The following CSMD2 variants were observed in gnomAD, a reference collection of about 807,000 sequenced individuals.
CSMD2 encodes CUB and sushi domain-containing protein 2.
A neutral mutation model predicts 398.5 loss-of-function variants in CSMD2; 130 were observed. The observed-to-expected ratio is 0.33, with a 90% CI of 0.28 to 0.38. CSMD2 has a LOEUF of 0.38. CSMD2 is among the 10% of genes least tolerant of loss of function. CSMD2 has a pLI of 1.00. For synonymous variants in CSMD2, 1,828 were observed against 1,908.5 expected (o/e 0.96, Z 1.10); for missense variants, 3,829 against 4,764.9 (o/e 0.80, Z 5.78).
At chr1:33,950,871 G>A (rs546536998) in intron 3 of CSMD2, among the ~76,000 whole-genome samples, 30 of 152,324 alleles carry the variant, frequency 2.0e-4, no homozygotes, top group African/African-American at 3.1e-4. Flanking sequence ...ATTGGGATGC[G>A]TCTGTCTTCA....
In CSMD2 at chr1:33,636,897, T is replaced by C. The variant is rs1398476698; in HGVS notation, c.4775-343A>G. 6.6e-6 allele frequency among the ~76,000 whole-genome samples: 1 copy of C among 152,136 alleles called. No homozygotes were observed. The highest frequency in any genetic ancestry group is 6.5e-5 in the Admixed American group (1 of 15,284). The stretch of plus-strand genomic sequence containing the variant: ...ATGTGTTTCTCTGGCTGGTGGGGGC[T>C]GACAGTCCCTGGACCACATCTCAGC... On this transcript the variant is annotated intron_variant, in intron 29 of 70. Coordinates refer to ENST00000373381, the MANE Select transcript of CSMD2 (RefSeq NM_001281956.2). The surrounding 1 kb of genome is among the most constrained non-coding windows in gnomAD (Gnocchi z 4.8).
At chr1:34,165,403 C>A, upstream of CSMD2, 1 of 903,338 alleles carries the variant, frequency 1.1e-6, no homozygotes, top group Non-Finnish European at 1.5e-6. Flanking sequence ...GGAGGCGCAG[C>A]TAAGGATAAA....
At chr1:33,632,586 TTTTG>T (rs1642528228) in intron 32 of CSMD2, among the ~76,000 whole-genome samples, 1 of 152,154 alleles carries the variant, frequency 6.6e-6, no homozygotes, top group South Asian at 2.1e-4. Context: ...CTGATGACGC[TTTTG>T]TTTTTTTAAT....
chr1:33,671,433 C>G (rs1040498900), intron 25 of CSMD2, among the ~76,000 whole-genome samples: 2 of 152,050 alleles, frequency 1.3e-5, no homozygotes, highest in African/African-American at 4.8e-5. Context: ...GTGGGGCTGC[C>G]CTGAAATTCT....
chr1:34,160,133 C>T (rs570019445), intron 1 of CSMD2, among the ~76,000 whole-genome samples: 1 of 152,268 alleles, frequency 6.6e-6, no homozygotes, highest in East Asian at 1.9e-4. Flanking sequence ...GCCTGCTGGG[C>T]TCTGCCGGAG....
At chr1:33,795,805 G>A (rs12044291) in intron 10 of CSMD2, among the ~76,000 whole-genome samples, 20,356 of 152,268 alleles carry the variant, frequency 0.13, 1,976 homozygotes, top group African/African-American at 0.26. Context: ...TCCTGTCGGT[G>A]GGCCAGGCCC....
At position 33,663,362 on chromosome 1, in the gene CSMD2, T is replaced by C. The variant is rs139156228; in HGVS notation, c.4053-270A>G. Among the ~76,000 whole-genome samples the C allele has an allele frequency of 2.6e-3, 389 of 152,212 alleles. 1 individual carries two copies. Among genetic ancestry groups the C allele is most frequent in the African/African-American group, 9.1e-3 (377 of 41,500 alleles). On this transcript the variant is annotated intron_variant, in intron 25 of 70. Coordinates refer to ENST00000373381, the MANE Select transcript of CSMD2 (RefSeq NM_001281956.2). ...TCTTATTATGAGCTCCATGTTGCCATTGTCAGACTGCATCCCTCTCCTCAA... is the reference window on the plus strand; with the variant it reads ...TCTTATTATGAGCTCCATGTTGCCACTGTCAGACTGCATCCCTCTCCTCAA...
intron 42 of CSMD2, among the ~76,000 whole-genome samples, chr1:33,603,892 G>C (rs1640401582): frequency 6.6e-6 from 1 of 152,208 alleles, no homozygotes; most frequent in African/African-American, 2.4e-5. Context: ...AGACCCAGAG[G>C]CAAGAAAACA....
At chr1:33,772,435 A>G in intron 13 of CSMD2, 134 bp downstream of exon 13, 1 of 727,208 alleles carries the variant, frequency 1.4e-6, no homozygotes, top group Non-Finnish European at 2.3e-6. Flanking sequence ...TCCGAGGAGT[A>G]GAATAAACCA....
chr1:34,052,233 TCAAC>T (rs1231941011), intron 2 of CSMD2, among the ~76,000 whole-genome samples: 1 of 150,308 alleles, frequency 6.7e-6, no homozygotes, highest in African/African-American at 2.5e-5. Context: ...ATCTGCAGAG[TCAAC>T]CAACCATGCA....
intron 25 of CSMD2, among the ~76,000 whole-genome samples, chr1:33,664,122 G>C (rs1386121872): frequency 3.3e-5 from 5 of 152,004 alleles, no homozygotes; most frequent in Non-Finnish European, 7.4e-5. Context: ...ACATACTCAA[G>C]GCAGAGAAAA....
chr1:34,112,645 A>G (rs1474190170), intron 1 of CSMD2, among the ~76,000 whole-genome samples: 1 of 152,170 alleles, frequency 6.6e-6, no homozygotes, highest in Non-Finnish European at 1.5e-5. Context: ...GAAAAATCAA[A>G]AGTATATGTT....
intron 3 of CSMD2, among the ~76,000 whole-genome samples, chr1:34,017,694 A>C (rs1648316584): frequency 6.6e-6 from 1 of 152,200 alleles, no homozygotes; most frequent in South Asian, 2.1e-4. Flanking sequence ...GGCTACAGTG[A>C]GCCATGATCA....
In CSMD2 at chr1:33,905,730, G is replaced by A. The variant is rs1286698246; in HGVS notation, c.920+12364C>T. Among the ~76,000 whole-genome samples, 3 of 152,202 alleles carry A rather than the reference G, an allele frequency of 2.0e-5. No homozygotes were observed. In the East Asian group the frequency reaches 5.8e-4, roughly 29 times the overall value. ...CAATTGTGGAATGCAAGGAAAAGGAGATACATATAGTAGGGAAATTTTGGA... is the reference window on the plus strand; with the variant it reads ...CAATTGTGGAATGCAAGGAAAAGGAAATACATATAGTAGGGAAATTTTGGA... On this transcript the variant is annotated intron_variant, in intron 5 of 70. Coordinates refer to ENST00000373381, the MANE Select transcript of CSMD2 (RefSeq NM_001281956.2).
intron 41 of CSMD2, among the ~76,000 whole-genome samples, chr1:33,607,012 G>A (rs1640661130): frequency 6.6e-6 from 1 of 152,216 alleles, no homozygotes; most frequent in Admixed American, 6.5e-5. Context: ...GACACACCTG[G>A]TGACAGTGGG....
intron 44 of CSMD2, among the ~76,000 whole-genome samples, chr1:33,587,446 C>G (rs889313009): frequency 6.6e-6 from 1 of 152,146 alleles, no homozygotes; most frequent in Non-Finnish European, 1.5e-5. Context: ...CTGAGTGCCT[C>G]GTGGATATTA....
chr1:34,098,423 A>T (rs1027936214), intron 1 of CSMD2, among the ~76,000 whole-genome samples: 1 of 149,984 alleles, frequency 6.7e-6, no homozygotes, highest in Non-Finnish European at 1.5e-5. Flanking sequence ...TAATAAAAAA[A>T]TAAATAAATA....
upstream of CSMD2, chr1:34,165,692 C>T (rs1220847210): frequency 1.2e-5 from 19 of 1,559,024 alleles, no homozygotes; most frequent in East Asian, 1.8e-4. Flanking sequence ...AATTGGAATC[C>T]TGTCTGGGAA....
intron 2 of CSMD2, among the ~76,000 whole-genome samples, chr1:34,045,439 C>T (rs866985889): frequency 3.3e-5 from 5 of 152,216 alleles, no homozygotes; most frequent in Admixed American, 6.5e-5. Flanking sequence ...GGCAATCTTG[C>T]ATTAGCTAGA....
Sources: gnomAD v4.1 joint callset for allele counts (sites outside exome capture counted in the v4.1 genomes callset) on GRCh38, gnomAD v4.1.1 for gene constraint, Gnocchi (gnomAD v3.1) non-coding constraint, MANE v1.5 for transcripts, NCBI Gene and HGNC (gene_info 2026-07-23, HGNC 2026-07-21) for gene names.